The following SPAG16 variants were observed in gnomAD, a reference collection of about 807,000 sequenced individuals.
SPAG16 encodes sperm-associated antigen 16 protein.
SPAG16 carries 86 observed loss-of-function variants against 80.4 expected under a neutral mutation model. The ratio of observed to expected loss-of-function variants is 1.07; its 90% CI spans 0.90 to 1.28. SPAG16 has a LOEUF of 1.28. SPAG16 is among the 50% of genes most tolerant of loss of function. The probability of loss-of-function intolerance (pLI) is 0.00; values close to 1 mark genes in which losing one functional copy is unlikely to be tolerated. For synonymous variants in SPAG16, 294 were observed against 265.9 expected (o/e 1.11, Z -1.03); for missense variants, 870 against 765.3 (o/e 1.14, Z -1.61).
intron 7 of SPAG16, among the ~76,000 whole-genome samples, chr2:213,352,042 TC>T (rs2065359095): frequency 6.6e-6 from 1 of 152,024 alleles, no homozygotes; most frequent in African/African-American, 2.4e-5. Context: ...GTCTGGCATT[TC>T]TTTTGCTTGC....
chr2:213,593,205 T>A (rs2060768069), intron 10 of SPAG16, among the ~76,000 whole-genome samples: 1 of 152,188 alleles, frequency 6.6e-6, no homozygotes, highest in Non-Finnish European at 1.5e-5. Context: ...TATTTCAATA[T>A]GCTTCTTGAT....
intron 15 of SPAG16, among the ~76,000 whole-genome samples, chr2:214,233,131 G>T (rs200784115): frequency 6.6e-6 from 1 of 151,968 alleles, no homozygotes; most frequent in African/African-American, 2.4e-5. Flanking sequence ...TCAAAAAAAG[G>T]GGGGGCCATA....
chr2:213,917,735 C>T (rs180966564), intron 11 of SPAG16, among the ~76,000 whole-genome samples: 3 of 152,306 alleles, frequency 2.0e-5, no homozygotes, highest in African/African-American at 7.2e-5. Flanking sequence ...GATAGTTTGA[C>T]TTCCTCTCTT....
At chr2:214,322,013 TTA>T (rs1696130825) in intron 15 of SPAG16, among the ~76,000 whole-genome samples, 1 of 152,194 alleles carries the variant, frequency 6.6e-6, no homozygotes, top group Non-Finnish European at 1.5e-5. Flanking sequence ...GTTTCAAAAG[TTA>T]CACCTGCATT....
At chr2:213,878,182 T>C (rs1016495058) in intron 11 of SPAG16, among the ~76,000 whole-genome samples, 1 of 152,156 alleles carries the variant, frequency 6.6e-6, no homozygotes, top group African/African-American at 2.4e-5. Flanking sequence ...TTCTTTTCAT[T>C]TGGGTAGATA....
chr2:214,142,780 C>A (rs965496606), intron 14 of SPAG16, among the ~76,000 whole-genome samples: 4 of 152,136 alleles, frequency 2.6e-5, no homozygotes, highest in African/African-American at 7.2e-5. Context: ...TAGCCGGCAA[C>A]TTTTGTCAGC....
At chr2:214,355,152 A>G (rs963728514) in intron 15 of SPAG16, among the ~76,000 whole-genome samples, 7 of 151,130 alleles carry the variant, frequency 4.6e-5, no homozygotes, top group East Asian at 2.0e-4. Flanking sequence ...AATGGCAACA[A>G]AAGCCAAAAT....
intron 10 of SPAG16, among the ~76,000 whole-genome samples, chr2:213,580,765 G>A (rs979077268): frequency 6.6e-6 from 1 of 152,020 alleles, no homozygotes. Context: ...TTTCTGTTCT[G>A]TGAAAATCTT....
rs113922741 is a variant in SPAG16 at position 214,123,751 on chromosome 2, A to C, written c.1593+15490A>C. Among the ~76,000 whole-genome samples the C allele has an allele frequency of 2.4e-3, 368 of 152,144 alleles. 1 individual carries two copies. The highest frequency in any genetic ancestry group is 8.6e-3 in the African/African-American group (358 of 41,544). On this transcript the variant is annotated intron_variant, in intron 14 of 15. Transcript: ENST00000331683. ...GAGAGATTCTCTGAGAGAATAAAGA[A>C]ATCCTAAAAGTTCTGAAGGAAGATA...
At chr2:213,407,328 C>A (rs1055929757) in intron 9 of SPAG16, among the ~76,000 whole-genome samples, 1 of 151,942 alleles carries the variant, frequency 6.6e-6, no homozygotes. Context: ...AGGGGTTGAG[C>A]CTTCCAGGGC....
At chr2:214,325,257 G>C (rs939966585) in intron 15 of SPAG16, among the ~76,000 whole-genome samples, 2 of 152,150 alleles carry the variant, frequency 1.3e-5, no homozygotes. Context: ...TTAAATGGAC[G>C]TGCTGGTTTG....
intron 10 of SPAG16, among the ~76,000 whole-genome samples, chr2:213,645,766 G>A (rs1326265831): frequency 1.3e-5 from 2 of 152,140 alleles, no homozygotes; most frequent in African/African-American, 4.8e-5. Context: ...TGGTGTCTCA[G>A]TAGTCACGTG....
intron 10 of SPAG16, among the ~76,000 whole-genome samples, chr2:213,597,125 C>A (rs994229289): frequency 2.0e-5 from 3 of 152,150 alleles, no homozygotes; most frequent in African/African-American, 7.2e-5. Flanking sequence ...AGTTTTCCAA[C>A]AGAGCTTTGC....
intron 10 of SPAG16, among the ~76,000 whole-genome samples, chr2:213,773,180 T>C (rs1291658553): frequency 2.6e-5 from 4 of 152,186 alleles, no homozygotes; most frequent in East Asian, 1.9e-4. Context: ...TTTTTAATGA[T>C]GGACATCATG....
At chr2:214,153,179 G>A (rs1429520899) in intron 15 of SPAG16, among the ~76,000 whole-genome samples, 1 of 152,010 alleles carries the variant, frequency 6.6e-6, no homozygotes, top group Non-Finnish European at 1.5e-5. Flanking sequence ...GGTCCGCCTG[G>A]CAATGGGTGT....
intron 9 of SPAG16, among the ~76,000 whole-genome samples, chr2:213,393,631 T>C (rs959471755): frequency 6.6e-6 from 1 of 152,092 alleles, no homozygotes; most frequent in African/African-American, 2.4e-5. Flanking sequence ...GAAGATTTTC[T>C]GTAGGACACA....
At chr2:213,909,574 A>C (rs547202220) in intron 11 of SPAG16, among the ~76,000 whole-genome samples, 2 of 152,100 alleles carry the variant, frequency 1.3e-5, no homozygotes, top group South Asian at 4.2e-4. Flanking sequence ...ATAACGCCGC[A>C]TATCTACAAC....
Position 213,957,661 on chromosome 2 carries a change from C to A in SPAG16, c.1400+27516C>A, listed in dbSNP as rs144699399. On this transcript the variant is annotated intron_variant, in intron 12 of 15. Coordinates refer to ENST00000331683, the MANE Select transcript of SPAG16 (RefSeq NM_024532.5). ...CTTTTCCATATACCTTATAAATATTCTTTTCTTTATTTCCAGCATTACTGT... is the reference window on the plus strand; with the variant it reads ...CTTTTCCATATACCTTATAAATATTATTTTCTTTATTTCCAGCATTACTGT... Among the ~76,000 whole-genome samples the A allele has an allele frequency of 4.7e-3, 714 of 152,060 alleles. 22 individuals carry two copies. Among genetic ancestry groups the A allele is most frequent in the Admixed American group, 0.041 (626 of 15,276 alleles).
At chr2:213,575,213 C>T (rs764159421) in intron 10 of SPAG16, among the ~76,000 whole-genome samples, 7 of 152,068 alleles carry the variant, frequency 4.6e-5, no homozygotes, top group Admixed American at 3.3e-4. Flanking sequence ...CCTCAGGAAA[C>T]CGAGTATTCA....
Sources: gnomAD v4.1 joint callset for allele counts (sites outside exome capture counted in the v4.1 genomes callset) on GRCh38, gnomAD v4.1.1 for gene constraint, MANE v1.5 for transcripts, NCBI Gene and HGNC (gene_info 2026-07-23, HGNC 2026-07-21) for gene names.